LRRC4C: variants seen among roughly 807,000 people sequenced by gnomAD.
The protein encoded by LRRC4C is leucine rich repeat containing 4C.
A neutral mutation model predicts 33.6 loss-of-function variants in LRRC4C; 5 were observed. That is an observed-to-expected ratio of 0.15 (90% CI 0.08 to 0.31). The LOEUF is 0.31. LRRC4C is among the 10% of genes least tolerant of loss of function. LRRC4C has a pLI of 1.00. For synonymous variants in LRRC4C, 329 were observed against 302.0 expected (o/e 1.09, Z -0.93); for missense variants, 560 against 796.7 (o/e 0.70, Z 3.58).
intron 1 of LRRC4C, among the ~76,000 whole-genome samples, chr11:41,404,554 ACACACACACC>A (rs990822426): frequency 8.6e-5 from 10 of 115,824 alleles, no homozygotes; most frequent in Non-Finnish European, 1.1e-4. Context: ...ACACACACAC[ACACACACACC>A]CCCCGAGGTT....
At chr11:40,166,043 T>C (rs900566027) in intron 5 of LRRC4C, among the ~76,000 whole-genome samples, 2 of 152,206 alleles carry the variant, frequency 1.3e-5, no homozygotes, top group African/African-American at 4.8e-5. Context: ...TGGCTCTCTT[T>C]AATAAAGTTG....
intron 4 of LRRC4C, among the ~76,000 whole-genome samples, chr11:40,245,653 A>T (rs1565180677): frequency 6.6e-6 from 1 of 152,122 alleles, no homozygotes; most frequent in Non-Finnish European, 1.5e-5. Context: ...TCAATGATAA[A>T]ATTGATTTTA....
intron 1 of LRRC4C, among the ~76,000 whole-genome samples, chr11:41,080,908 A>G (rs1939525014): frequency 6.6e-6 from 1 of 152,202 alleles, no homozygotes; most frequent in South Asian, 2.1e-4. Context: ...GAAATTTGAT[A>G]CCATGGAAAA....
intron 1 of LRRC4C, among the ~76,000 whole-genome samples, chr11:41,089,035 A>G (rs1940208725): frequency 6.6e-6 from 1 of 152,060 alleles, no homozygotes; most frequent in Non-Finnish European, 1.5e-5. Context: ...TTATACATCC[A>G]TCTTGTGTAT....
At chr11:41,073,899 T>C (rs1050480196) in intron 1 of LRRC4C, among the ~76,000 whole-genome samples, 1 of 152,190 alleles carries the variant, frequency 6.6e-6, no homozygotes, top group Non-Finnish European at 1.5e-5. Context: ...AAATAAGCAG[T>C]CCTTTTTCCA....
chr11:40,465,037 A>G (rs1952585404), intron 3 of LRRC4C, among the ~76,000 whole-genome samples: 1 of 152,080 alleles, frequency 6.6e-6, no homozygotes, highest in Admixed American at 6.6e-5. Flanking sequence ...ACACAGCTGG[A>G]GGCATCACAT....
chr11:40,304,586 C>T (rs573129308), intron 4 of LRRC4C, among the ~76,000 whole-genome samples: 2 of 151,954 alleles, frequency 1.3e-5, no homozygotes, highest in South Asian at 4.2e-4. Context: ...CAGAAGCTAC[C>T]CTTTTAGACA....
intron 1 of LRRC4C, among the ~76,000 whole-genome samples, chr11:41,313,159 G>T (rs868657021): frequency 6.6e-6 from 1 of 152,038 alleles, no homozygotes; most frequent in Non-Finnish European, 1.5e-5. Context: ...CCAGTTCCAG[G>T]GTTGGTTAAA....
intron 5 of LRRC4C, among the ~76,000 whole-genome samples, chr11:40,197,526 G>A (rs984590094): frequency 6.6e-5 from 10 of 152,162 alleles, no homozygotes; most frequent in Admixed American, 1.3e-4. Context: ...AGGACTTTCC[G>A]TAGAATAAGT....
intron 3 of LRRC4C, among the ~76,000 whole-genome samples, chr11:40,538,116 A>G (rs1380851395): frequency 6.6e-6 from 1 of 152,160 alleles, no homozygotes. Context: ...AAGTTCCCAG[A>G]TATATTGATT....
intron 2 of LRRC4C, among the ~76,000 whole-genome samples, chr11:40,673,658 G>A (rs551100918): frequency 1.2e-4 from 19 of 152,242 alleles, no homozygotes; most frequent in Middle Eastern, 3.4e-3. Flanking sequence ...TTAATGGAAC[G>A]TTTAAGCACA....
chr11:40,514,125 C>A (rs1955457057), intron 3 of LRRC4C, among the ~76,000 whole-genome samples: 1 of 152,124 alleles, frequency 6.6e-6, no homozygotes, highest in Admixed American at 6.6e-5. Flanking sequence ...CTATGTGATC[C>A]TTACAGTAGA....
At chr11:41,367,122 G>A (rs1952573205) in intron 1 of LRRC4C, among the ~76,000 whole-genome samples, 1 of 152,242 alleles carries the variant, frequency 6.6e-6, no homozygotes, top group Admixed American at 6.5e-5. Flanking sequence ...CTTTATAGGG[G>A]TGTTGCATTG....
chr11:40,671,268 C>T (rs561984129), intron 2 of LRRC4C, among the ~76,000 whole-genome samples: 1 of 152,108 alleles, frequency 6.6e-6, no homozygotes, highest in South Asian at 2.1e-4. Flanking sequence ...GCTTTAGCAA[C>T]CATTTTAGAA....
intron 1 of LRRC4C, among the ~76,000 whole-genome samples, chr11:41,231,312 C>G (rs141794861): frequency 0.014 from 2,143 of 152,196 alleles, 53 homozygotes; most frequent in African/African-American, 0.048. Flanking sequence ...GACACATACA[C>G]ACACGTATGT....
chr11:41,301,025 A>C (rs1950270221), intron 1 of LRRC4C, among the ~76,000 whole-genome samples: 1 of 152,334 alleles, frequency 6.6e-6, no homozygotes, highest in Admixed American at 6.5e-5. Flanking sequence ...TGGATATTAA[A>C]ACAAAATTAG....
chr11:40,871,928 C>T (rs1419766128), intron 2 of LRRC4C, among the ~76,000 whole-genome samples: 1 of 152,098 alleles, frequency 6.6e-6, no homozygotes, highest in African/African-American at 2.4e-5. Context: ...GAATATGTGC[C>T]TTCCATCTGA....
intron 6 of LRRC4C, among the ~76,000 whole-genome samples, chr11:40,130,005 T>C (rs1215230090): frequency 6.6e-6 from 1 of 152,192 alleles, no homozygotes; most frequent in Non-Finnish European, 1.5e-5. Context: ...TCTGGCTGTT[T>C]ATGAATCCTT....
chr11:40,240,482 A>G (rs142161975), intron 5 of LRRC4C, among the ~76,000 whole-genome samples: 82 of 152,236 alleles, frequency 5.4e-4, no homozygotes, highest in Middle Eastern at 3.4e-3. Flanking sequence ...GCCCAGTCCT[A>G]TCTTACTCTT....
Sources: allele counts gnomAD v4.1 joint callset (sites outside exome capture counted in the v4.1 genomes callset), GRCh38; gene constraint gnomAD v4.1.1; transcripts MANE v1.5; gene names NCBI Gene and HGNC (gene_info 2026-07-23, HGNC 2026-07-21).